Variants in NEK1 observed in about 807,000 individuals in gnomAD.
NEK1 encodes the protein NIMA related kinase 1.
NEK1 carries 137 observed loss-of-function variants against 182.1 expected under a neutral mutation model. That is an observed-to-expected ratio of 0.75 (90% CI 0.65 to 0.87). The LOEUF is 0.87. Among genes scored for constraint, NEK1 ranks in the 40% least tolerant of loss-of-function variants. The probability of loss-of-function intolerance (pLI) is 0.00; values close to 1 mark genes in which losing one functional copy is unlikely to be tolerated. For synonymous variants in NEK1, 513 were observed against 492.2 expected (o/e 1.04, Z -0.56); for missense variants, 1,391 against 1,494.4 (o/e 0.93, Z 1.14).
At chr4:169,602,227 A>G in intron 3 of NEK1, 123 bp from the exon 4 acceptor site, 1 of 704,548 alleles carries the variant, frequency 1.4e-6, no homozygotes, top group Non-Finnish European at 2.4e-6. Context: ...AAATATAGCA[A>G]GAAGTTAAAA....
At chr4:169,568,058 A>C (rs116721461) in intron 12 of NEK1, among the ~76,000 whole-genome samples, 1,649 of 152,326 alleles carry the variant, frequency 0.011, 28 homozygotes, top group African/African-American at 0.037. Context: ...CCCAAACACT[A>C]GGGACTTTCT....
At position 169,480,619 on chromosome 4, in the gene NEK1, G is replaced by C. The variant is rs574954609; in HGVS notation, c.2008-1085C>G. Among the ~76,000 whole-genome samples, 4 of 152,044 alleles carry C rather than the reference G, an allele frequency of 2.6e-5. No homozygotes were observed. In the South Asian group the frequency reaches 8.3e-4, roughly 32 times the overall value. On this transcript the variant is annotated intron_variant, in intron 23 of 35. Coordinates refer to ENST00000507142, the MANE Select transcript of NEK1 (RefSeq NM_001199397.3). ...GATACTGATGGCTACTGACTGATCAGGGTGGTGACTCCTGGATGTTGGGGT... is the reference window on the plus strand; with the variant it reads ...GATACTGATGGCTACTGACTGATCACGGTGGTGACTCCTGGATGTTGGGGT...
At chr4:169,419,609 C>T (rs996387031) in intron 31 of NEK1, among the ~76,000 whole-genome samples, 1 of 152,046 alleles carries the variant, frequency 6.6e-6, no homozygotes, top group Non-Finnish European at 1.5e-5. Context: ...ACAGGCAGGA[C>T]GGGAATGGAA....
At chr4:169,512,777 T>C in intron 19 of NEK1, among the ~76,000 whole-genome samples, 1 of 152,132 alleles carries the variant, frequency 6.6e-6, no homozygotes, top group South Asian at 2.1e-4. Context: ...TTATTTTATA[T>C]GGTTTGAGGT....
Position 169,537,874 on chromosome 4 carries a change from C to T in NEK1, c.1600G>A (p.Val534Ile). The T allele has an allele frequency of 4.3e-6, 7 of 1,610,704 alleles. No individual in the cohort carries two copies. The highest frequency in any genetic ancestry group is 5.9e-6 in the Non-Finnish European group (7 of 1,178,160). Residue 534 changes from valine (V) to isoleucine (I), a missense_variant, in exon 19 of 36, where the codon GTA (valine) becomes ATA (isoleucine). Val to Ile is a conservative substitution (Grantham distance 29, BLOSUM62 3). Coordinates refer to ENST00000507142, the MANE Select transcript of NEK1 (RefSeq NM_001199397.3). ...GQLAVERAKQ[V>I]EEFLQRKREA... The stretch of plus-strand genomic sequence containing the variant: ...CGTTTTCGCTGCAGGAACTCTTCTA[C>T]TTGTTTAGCTCTTTCTACAGCTAGC...
chr4:169,593,914 G>A lies in NEK1; in HGVS notation c.313-3105C>T, dbSNP rs183146259. Reference sequence around the variant, plus strand: ...TGAGGCAGGAGAATGGCGTGAACCCGGGAGACGGAGCTTGCAGTGAGCCGA... The same window carrying A: ...TGAGGCAGGAGAATGGCGTGAACCCAGGAGACGGAGCTTGCAGTGAGCCGA... On this transcript the variant is annotated intron_variant, in intron 5 of 35. Transcript: ENST00000507142. 4.5e-3 allele frequency among the ~76,000 whole-genome samples: 689 copies of A among 151,784 alleles called. 2 individuals carry two copies. Among genetic ancestry groups the A allele is most frequent in the African/African-American group, 0.015 (635 of 41,376 alleles).
intron 19 of NEK1, among the ~76,000 whole-genome samples, chr4:169,513,627 T>C (rs1304127915): frequency 2.6e-5 from 4 of 152,212 alleles, no homozygotes; most frequent in Non-Finnish European, 5.9e-5. Context: ...AAAAGTTACA[T>C]GCTTGCCTGT....
At position 169,477,236 on chromosome 4, in the gene NEK1, C is replaced by A. The variant is rs1295682843; in HGVS notation, c.2322G>T (p.Glu774Asp). 6 of 1,603,510 alleles carry A rather than the reference C, an allele frequency of 3.7e-6. No individual in the cohort carries two copies. In the South Asian group the frequency reaches 6.7e-5, roughly 18 times the overall value. Reference sequence around the variant, plus strand: ...ATGAAACTGATTTTTCTTTTTCATGCTCTTTGGCATCTTCATGAACATTTA... The same window carrying A: ...ATGAAACTGATTTTTCTTTTTCATGATCTTTGGCATCTTCATGAACATTTA... The part of the protein sequence containing the change: ...FEINVHEDAK[E>D]HEKEKSVSSD... Residue 774 changes from glutamate to aspartate, a missense_variant, in exon 26 of 36, where the codon GAG becomes GAT. Coordinates refer to ENST00000507142, the MANE Select transcript of NEK1 (RefSeq NM_001199397.3).
At chr4:169,595,783 C>T (rs564420156) in intron 5 of NEK1, among the ~76,000 whole-genome samples, 53 of 151,962 alleles carry the variant, frequency 3.5e-4, no homozygotes, top group African/African-American at 9.7e-4. Flanking sequence ...AATTAGCCGG[C>T]GTGGTGGCGG....
intron 19 of NEK1, among the ~76,000 whole-genome samples, chr4:169,522,319 C>T (rs1402565724): frequency 6.6e-6 from 1 of 152,150 alleles, no homozygotes; most frequent in African/African-American, 2.4e-5. Context: ...ATCACAGCAA[C>T]TTTCAAACCC....
intron 23 of NEK1, among the ~76,000 whole-genome samples, chr4:169,493,677 CAGA>C (rs1297617160): frequency 3.9e-5 from 6 of 152,222 alleles, no homozygotes; most frequent in Admixed American, 2.0e-4. Flanking sequence ...CTAGACAAAG[CAGA>C]AGAAGAATTT....
intron 19 of NEK1, among the ~76,000 whole-genome samples, chr4:169,511,364 TGAAAAG>T (rs1177170829): frequency 3.9e-5 from 6 of 152,114 alleles, no homozygotes; most frequent in African/African-American, 1.4e-4. Context: ...AGATAAATTC[TGAAAAG>T]GCATATGGGA....
At chr4:169,483,911 T>C (rs1042366909) in intron 23 of NEK1, among the ~76,000 whole-genome samples, 5 of 150,302 alleles carry the variant, frequency 3.3e-5, no homozygotes, top group African/African-American at 7.3e-5. Context: ...TTTAAAAATA[T>C]CTAGAGCTCA....
In NEK1 at chr4:169,539,529, G is replaced by A. The variant is rs189215394; in HGVS notation, c.1563-1618C>T. ...TCCCCATCTATGTAAGGCTGGGCCT[G>A]AGGAGGCAGATAAATCTTCAGGAGT... On this transcript the variant is annotated intron_variant, in intron 18 of 35. Transcript: ENST00000507142. Among the ~76,000 whole-genome samples the A allele has an allele frequency of 3.1e-3, 479 of 152,268 alleles. 3 individuals are homozygous for A. The highest frequency in any genetic ancestry group is 4.4e-3 in the Non-Finnish European group (297 of 68,012).
chr4:169,542,102 T>C (rs1378226658), intron 18 of NEK1, among the ~76,000 whole-genome samples: 1 of 152,168 alleles, frequency 6.6e-6, no homozygotes, highest in African/African-American at 2.4e-5. Flanking sequence ...ACACATGCCA[T>C]GGAGGTTTGC....
chr4:169,467,749 C>A (rs1475393195), intron 26 of NEK1, among the ~76,000 whole-genome samples: 1 of 150,904 alleles, frequency 6.6e-6, no homozygotes, highest in Admixed American at 6.6e-5. Flanking sequence ...CTAAACATAC[C>A]AGTTAAAGGT....
intron 29 of NEK1, among the ~76,000 whole-genome samples, chr4:169,427,975 C>T (rs1261946721): frequency 1.3e-5 from 2 of 151,370 alleles, no homozygotes; most frequent in East Asian, 3.9e-4. Context: ...CAGGCACATG[C>T]AACCATGCCT....
chr4:169,566,220 T>A (rs1209925203), intron 12 of NEK1, among the ~76,000 whole-genome samples: 3 of 152,172 alleles, frequency 2.0e-5, no homozygotes, highest in Admixed American at 1.3e-4. Context: ...GAAGAGAATG[T>A]TTACATATTC....
intron 10 of NEK1, among the ~76,000 whole-genome samples, chr4:169,583,413 G>A (rs962500368): frequency 6.6e-6 from 1 of 152,138 alleles, no homozygotes; most frequent in South Asian, 2.1e-4. Context: ...AGCAGATAAA[G>A]GTTTTCATGA....
Sources: allele counts gnomAD v4.1 joint callset (sites outside exome capture counted in the v4.1 genomes callset), GRCh38; gene constraint gnomAD v4.1.1; transcripts MANE v1.5; gene names NCBI Gene and HGNC (gene_info 2026-07-23, HGNC 2026-07-21).